Variants in PELP1 observed in about 807,000 individuals in gnomAD.
PELP1 encodes the protein proline-, glutamic acid- and leucine-rich protein 1.
A neutral mutation model predicts 95.5 loss-of-function variants in PELP1; 32 were observed. The observed-to-expected ratio is 0.34, with a 90% CI of 0.25 to 0.45. The LOEUF is 0.45. PELP1 is among the 20% of genes least tolerant of loss of function. The pLI is 1.00. For synonymous variants in PELP1, 668 were observed against 600.1 expected (o/e 1.11, Z -1.65); for missense variants, 1,358 against 1,444.8 (o/e 0.94, Z 0.97).
chr17:4,680,211 A>G (rs1177753469), intron 5 of PELP1, among the ~76,000 whole-genome samples: 2 of 152,204 alleles, frequency 1.3e-5, no homozygotes, highest in Non-Finnish European at 2.9e-5. Flanking sequence ...GGCACCCACT[A>G]AAGACCAGTT....
chr17:4,682,688 C>T, intron 4 of PELP1, 115 bp from the exon 5 acceptor site: 2 of 1,445,586 alleles, frequency 1.4e-6, no homozygotes, highest in South Asian at 2.5e-5. Context: ...CTTGGCCCCT[C>T]CCTCTTCTCA....
At chr17:4,701,475 G>A (rs1438582329) in intron 1 of PELP1, among the ~76,000 whole-genome samples, 1 of 152,148 alleles carries the variant, frequency 6.6e-6, no homozygotes, top group Non-Finnish European at 1.5e-5. Flanking sequence ...GCTACTGTGT[G>A]GGGAACGGAT....
In PELP1 at chr17:4,682,788, AG is replaced by A; in HGVS notation, c.570+14del. 1 of 1,560,268 alleles carries A rather than the reference AG, an allele frequency of 6.4e-7. No homozygotes were observed. Among genetic ancestry groups the A allele is most frequent in the Non-Finnish European group, 8.6e-7 (1 of 1,156,802 alleles). ...TGCGGGGGGCCATGGGGAAGGGTCC[AG>A]GGAGACATCTCACCTCTGGCCTGAG... On this transcript the variant is annotated intron_variant, in intron 4 of 16. Coordinates refer to ENST00000572293, the MANE Select transcript of PELP1 (RefSeq NM_014389.3).
rs754445515 is a variant in PELP1 at position 4,675,505 on chromosome 17, C to T, written c.1069-143G>A. 1.4e-6 allele frequency: 1 copy of T among 720,834 alleles called. No homozygotes were observed. The highest frequency in any genetic ancestry group is 1.5e-5 in the South Asian group (1 of 67,084). The allele number at this position is 720,834 out of a possible 1,614,324, so 44.7% of individuals were successfully genotyped here. On this transcript the variant is annotated intron_variant, in intron 9 of 16. Transcript: ENST00000572293. The surrounding 1 kb of genome is among the most constrained non-coding windows in gnomAD (Gnocchi z 4.3). Reference sequence around the variant, plus strand: ...TCTCAGCTCTCCCAACAAAATCAAACCCCTATCCTCTAAAATAGACCCTGG... The same window carrying T: ...TCTCAGCTCTCCCAACAAAATCAAATCCCTATCCTCTAAAATAGACCCTGG...
intron 1 of PELP1, among the ~76,000 whole-genome samples, chr17:4,696,408 C>T (rs551171455): frequency 1.8e-4 from 27 of 152,176 alleles, no homozygotes; most frequent in African/African-American, 5.5e-4. Context: ...AACAAGGAGA[C>T]AAATTGTTGA....
chr17:4,680,489 G>A (rs1436652376), intron 5 of PELP1, among the ~76,000 whole-genome samples: 1 of 152,094 alleles, frequency 6.6e-6, no homozygotes, highest in African/African-American at 2.4e-5. Context: ...TGTTGCCCAG[G>A]CTGGTCTCAA....
In PELP1 at chr17:4,671,172, T is replaced by A. The variant is rs1224364564; in HGVS notation, c.*267A>T. 3.5e-5 allele frequency: 18 copies of A among 516,482 alleles called. 1 individual carries two copies. In the Admixed American group the frequency reaches 6.0e-4, roughly 17 times the overall value. 32.0% of individuals were successfully genotyped at this position (516,482 alleles called of 1,614,324 possible). A position where few individuals can be genotyped will look rare whatever the true frequency, so the allele number is the denominator to read the frequency against. ...TTAACCCTACACACAATTCTGCACG[T>A]TTAGCATCCAGCCAGAATCCTACAA... On this transcript the variant is annotated 3_prime_UTR_variant, in exon 17 of 17. Transcript: ENST00000572293.
At chr17:4,681,924 G>A (rs1203988544) in intron 5 of PELP1, among the ~76,000 whole-genome samples, 1 of 152,180 alleles carries the variant, frequency 6.6e-6, no homozygotes, top group Non-Finnish European at 1.5e-5. Flanking sequence ...AGCACTTTGA[G>A]AAGCTGAGGC....
chr17:4,683,402 A>C (rs1912774307), intron 3 of PELP1, among the ~76,000 whole-genome samples: 1 of 151,548 alleles, frequency 6.6e-6, no homozygotes, highest in Non-Finnish European at 1.5e-5. Flanking sequence ...TTGTATTTTT[A>C]GTAGAGACGG....
At chr17:4,697,962 G>A (rs1913358714) in intron 1 of PELP1, among the ~76,000 whole-genome samples, 1 of 149,236 alleles carries the variant, frequency 6.7e-6, no homozygotes, top group Non-Finnish European at 1.5e-5. Flanking sequence ...CCTAGAATAC[G>A]TGCTCCTGAT....
At position 4,676,040 on chromosome 17, in the gene PELP1, G is replaced by C. The variant is rs1231416968; in HGVS notation, c.976C>G (p.Leu326Val). The change falls in exon 8 of 17, where the codon CTC (leucine) becomes GTC (valine). Residue 326 changes from leucine (L) to valine (V), a missense_variant. By Grantham distance (32) the Leu-to-Val change is conservative. This residue lies in a region of PELP1 where 538 missense variants were observed against 628.1 expected (regional missense o/e 0.86). Coordinates refer to ENST00000572293, the MANE Select transcript of PELP1 (RefSeq NM_014389.3). ...CCCTCCAATACCCACACACACCTGA[G>C]CATGAGCCCTAGGCAGCGGGCCAGT... is the stretch of plus-strand genomic sequence containing the variant. Reference protein sequence around the residue: ...SGLARCLGLMLSSEFGAPVSV... With the variant: ...SGLARCLGLMVSSEFGAPVSV... The C allele has an allele frequency of 5.6e-6, 9 of 1,613,730 alleles. No homozygotes were observed. Among genetic ancestry groups the C allele is most frequent in the African/African-American group, 4.0e-5 (3 of 74,888 alleles).
chr17:4,674,407 A>T, intron 13 of PELP1, 103 bp downstream of exon 13: 4 of 1,098,020 alleles, frequency 3.6e-6, no homozygotes, highest in Non-Finnish European at 5.3e-6. Context: ...CACTCTCCCC[A>T]CAAAAGTTTC....
chr17:4,675,114 T>C lies in PELP1; in HGVS notation c.1239A>G (p.Arg413=). ...TCTCCTGGCCTGGAGAGAGGGAATC[T>C]CTACCGATGCTCCAGGAATTGAGGA... ...PQVLNSWSIG[R]DSLSPGQERP... is the part of the protein sequence containing the mutation. The change falls in exon 11 of 17, where the codon AGA becomes AGG. Residue 413 remains arginine (R), a synonymous_variant. Coordinates refer to ENST00000572293, the MANE Select transcript of PELP1 (RefSeq NM_014389.3). This position sits in a 1 kb window ranked among gnomAD's most constrained non-coding sequence, Gnocchi z 4.3. 1 of 1,613,818 alleles carries C rather than the reference T, an allele frequency of 6.2e-7. No individual in the cohort carries two copies. The highest frequency in any genetic ancestry group is 8.5e-7 in the Non-Finnish European group (1 of 1,179,852).
At position 4,674,679 on chromosome 17, in the gene PELP1, G is replaced by A. The variant is rs913148898; in HGVS notation, c.1423-10C>T. 18 of 1,593,086 alleles carry A rather than the reference G, an allele frequency of 1.1e-5. No individual in the cohort carries two copies. The highest frequency in any genetic ancestry group is 1.5e-5 in the Non-Finnish European group (18 of 1,172,924). ...CCCGCGGGCTACGCAGCTGGAGGCA[G>A]AGAAAACATAAATCACATCCACAGG... On this transcript the variant is annotated splice_polypyrimidine_tract_variant and intron_variant, in intron 12 of 16. Transcript: ENST00000572293.
At chr17:4,680,049 A>C (rs1912633918) in intron 5 of PELP1, among the ~76,000 whole-genome samples, 1 of 152,224 alleles carries the variant, frequency 6.6e-6, no homozygotes, top group Admixed American at 6.5e-5. Flanking sequence ...TTTTACAATT[A>C]CCAGATAATA....
Position 4,671,551 on chromosome 17 carries a change from A to C in PELP1, c.3301-20T>G. On this transcript the variant is annotated intron_variant, in intron 16 of 16. Coordinates refer to ENST00000572293, the MANE Select transcript of PELP1 (RefSeq NM_014389.3). ...CTGCTCCTTTTAGGCACAAAGATACAAGATTCAGAATAGTCACACACACAT... is the reference window on the plus strand; with the variant it reads ...CTGCTCCTTTTAGGCACAAAGATACCAGATTCAGAATAGTCACACACACAT... 3.1e-6 allele frequency: 5 copies of C among 1,613,254 alleles called. No individual in the cohort carries two copies. The South Asian group carries it at 5.5e-5, about 18-fold the overall frequency.
intron 5 of PELP1, among the ~76,000 whole-genome samples, chr17:4,678,878 G>A (rs766236885): frequency 8.4e-4 from 128 of 152,122 alleles, no homozygotes; most frequent in Non-Finnish European, 1.4e-3. Context: ...CTTCAAAACG[G>A]CAGTTATCAG....
At chr17:4,685,686 G>A (rs185115036) in intron 3 of PELP1, among the ~76,000 whole-genome samples, 71 of 151,750 alleles carry the variant, frequency 4.7e-4, no homozygotes, top group Middle Eastern at 3.5e-3. Flanking sequence ...CCAGCTATTG[G>A]TGGGTGCGGT....
intron 1 of PELP1, among the ~76,000 whole-genome samples, chr17:4,693,421 G>GT (rs369827779): frequency 2.6e-5 from 4 of 152,186 alleles, no homozygotes; most frequent in Admixed American, 6.5e-5. Flanking sequence ...TACATAAACT[G>GT]TTTTTTTCCT....
Sources: gnomAD v4.1 joint callset for allele counts (sites outside exome capture counted in the v4.1 genomes callset) on GRCh38, gnomAD v4.1.1 for gene constraint, gnomAD v4.1.1 regional missense constraint, Gnocchi (gnomAD v3.1) non-coding constraint, MANE v1.5 for transcripts, NCBI Gene and HGNC (gene_info 2026-07-23, HGNC 2026-07-21) for gene names.